MARCHF4: variants seen among roughly 807,000 people sequenced by gnomAD.
MARCHF4 encodes E3 ubiquitin-protein ligase MARCHF4.
Under a neutral mutation model 43.9 loss-of-function variants are expected in MARCHF4, and 14 were observed. The ratio of observed to expected loss-of-function variants is 0.32; its 90% CI spans 0.21 to 0.50. The LOEUF is 0.50. MARCHF4 is among the 20% of genes least tolerant of loss of function. MARCHF4 has a pLI of 0.98. For synonymous variants in MARCHF4, 226 were observed against 213.3 expected, an observed-to-expected ratio of 1.06 and a Z score of -0.52; for missense variants, 468 against 536.7, an observed-to-expected ratio of 0.87 and a Z score of 1.27.
chr2:216,283,740 A>T lies in MARCHF4; in HGVS notation c.517-11T>A. 1 of 1,596,092 alleles carries T rather than the reference A, an allele frequency of 6.3e-7. No individual in the cohort carries two copies. The highest frequency in any genetic ancestry group is 2.3e-5 in the East Asian group (1 of 44,438). Reference sequence around the variant, plus strand: ...GCTCAGCAGCTCCCCCTGCAGGGAGAGAGCACAGGGTGATGAGGCTGAGAC... The same window carrying T: ...GCTCAGCAGCTCCCCCTGCAGGGAGTGAGCACAGGGTGATGAGGCTGAGAC... On this transcript the variant is annotated splice_polypyrimidine_tract_variant and intron_variant, in intron 1 of 3. Coordinates refer to ENST00000273067, the MANE Select transcript of MARCHF4 (RefSeq NM_020814.3).
chr2:216,339,372 A>G (rs1692205671), intron 1 of MARCHF4, among the ~76,000 whole-genome samples: 1 of 152,214 alleles, frequency 6.6e-6, no homozygotes, highest in Admixed American at 6.5e-5. Flanking sequence ...GAAAAAGCCC[A>G]TAATCCCCTT....
At chr2:216,350,433 A>G (rs1692387563) in intron 1 of MARCHF4, among the ~76,000 whole-genome samples, 1 of 151,348 alleles carries the variant, frequency 6.6e-6, no homozygotes, top group Non-Finnish European at 1.5e-5. Context: ...TCACTATGCC[A>G]GAACTGCACA....
At chr2:216,368,443 G>A (rs1235750444) in intron 1 of MARCHF4, among the ~76,000 whole-genome samples, 1 of 152,198 alleles carries the variant, frequency 6.6e-6, no homozygotes, top group South Asian at 2.1e-4. Context: ...GCCTCTCAGA[G>A]ACATTTATTC....
At chr2:216,263,518 AGAG>A (rs1271540908) in intron 3 of MARCHF4, among the ~76,000 whole-genome samples, 58 of 146,266 alleles carry the variant, frequency 4.0e-4, no homozygotes, top group Middle Eastern at 3.5e-3. Flanking sequence ...AGAGAGAGAG[AGAG>A]AGAGAGAGAG....
rs1692783792 is a variant in MARCHF4, at chr2:216,372,366, A to C, written c.-2106T>G. On this transcript the variant is annotated 5_prime_UTR_variant, in exon 1 of 4. Coordinates refer to ENST00000273067, the MANE Select transcript of MARCHF4 (RefSeq NM_020814.3). The stretch of plus-strand genomic sequence containing the variant: ...GGGCGAGTGGACAGCTCCCACCCAG[A>C]CCCCGCGCGTCACGCTCGTGGGGGC... Among the ~76,000 whole-genome samples the C allele has an allele frequency of 6.6e-6, 1 of 151,916 alleles. No homozygotes were observed. Among genetic ancestry groups the C allele is most frequent in the Non-Finnish European group, 1.5e-5 (1 of 67,990 alleles).
At chr2:216,334,523 C>A (rs1299469862) in intron 1 of MARCHF4, among the ~76,000 whole-genome samples, 3 of 152,102 alleles carry the variant, frequency 2.0e-5, no homozygotes, top group Non-Finnish European at 2.9e-5. Context: ...GCCTTAGCCT[C>A]CCATGTAGCT....
At chr2:216,276,971 A>AT (rs547740065) in intron 3 of MARCHF4, among the ~76,000 whole-genome samples, 87 of 151,088 alleles carry the variant, frequency 5.8e-4, no homozygotes, top group Non-Finnish European at 9.6e-4. Flanking sequence ...GTAGGTTCCA[A>AT]TTTTTTTTTT....
At chr2:216,305,127 C>A (rs1411451907) in intron 1 of MARCHF4, among the ~76,000 whole-genome samples, 1 of 152,026 alleles carries the variant, frequency 6.6e-6, no homozygotes, top group Non-Finnish European at 1.5e-5. Flanking sequence ...CAAATGCTTG[C>A]TGGAGAAATG....
At chr2:216,369,672 G>A (rs1692721185) in intron 1 of MARCHF4, 73 bp downstream of exon 1, 3 of 1,243,122 alleles carry the variant, frequency 2.4e-6, no homozygotes, top group Non-Finnish European at 3.4e-6. Flanking sequence ...GTTCCCCAGG[G>A]CAAGCAGGCG....
intron 1 of MARCHF4, among the ~76,000 whole-genome samples, chr2:216,335,670 G>T (rs561441162): frequency 6.6e-6 from 1 of 152,132 alleles, no homozygotes; most frequent in Non-Finnish European, 1.5e-5. Flanking sequence ...CCAAAAAAGA[G>T]TACAGAAATC....
At chr2:216,289,916 G>A (rs1379603261) in intron 1 of MARCHF4, among the ~76,000 whole-genome samples, 1 of 152,132 alleles carries the variant, frequency 6.6e-6, no homozygotes, top group African/African-American at 2.4e-5. Flanking sequence ...GAAGACTTGG[G>A]TATATCCAAG....
At chr2:216,275,134 C>T (rs998309675) in intron 3 of MARCHF4, among the ~76,000 whole-genome samples, 1 of 152,198 alleles carries the variant, frequency 6.6e-6, no homozygotes, top group South Asian at 2.1e-4. Flanking sequence ...ATATTCAGCC[C>T]ACTCTGCTTC....
At chr2:216,260,387 G>A (rs1690721638) in intron 3 of MARCHF4, among the ~76,000 whole-genome samples, 1 of 152,236 alleles carries the variant, frequency 6.6e-6, no homozygotes, top group South Asian at 2.1e-4. Flanking sequence ...TTGCCTTAAG[G>A]AAGATAACTG....
chr2:216,259,710 C>T (rs1267403977), intron 3 of MARCHF4, 31 bp from the exon 4 acceptor site: 3 of 1,600,458 alleles, frequency 1.9e-6, no homozygotes, highest in Middle Eastern at 3.5e-4. Flanking sequence ...GAAACAGAGG[C>T]CAAATGAGAG....
In MARCHF4 at chr2:216,284,412, C is replaced by T. The variant is rs191933738; in HGVS notation, c.517-683G>A. 2.8e-4 allele frequency among the ~76,000 whole-genome samples: 42 copies of T among 152,288 alleles called. 1 individual carries two copies. Among genetic ancestry groups the T allele is most frequent in the Admixed American group, 2.5e-3 (38 of 15,304 alleles). ...TGGACGGCAGCATTGGGCTCACTCT[C>T]CAGAACTTCCCATGACCATATGTCA... On this transcript the variant is annotated intron_variant, in intron 1 of 3. Coordinates refer to ENST00000273067, the MANE Select transcript of MARCHF4 (RefSeq NM_020814.3).
At chr2:216,297,532 A>G (rs1691416249) in intron 1 of MARCHF4, among the ~76,000 whole-genome samples, 1 of 152,040 alleles carries the variant, frequency 6.6e-6, no homozygotes, top group Admixed American at 6.6e-5. Context: ...GTTTTTTGAG[A>G]TGGCATTTCC....
At chr2:216,301,746 T>C (rs556360051) in intron 1 of MARCHF4, among the ~76,000 whole-genome samples, 5 of 152,348 alleles carry the variant, frequency 3.3e-5, no homozygotes, top group East Asian at 1.9e-4. Context: ...TTAGCATAAA[T>C]GTACAATGAT....
rs1311993382 is a variant in MARCHF4, at chr2:216,320,655, CTTTCTTTCTTTCTTTCTTTCT to C, written c.517-36947_517-36927del. ...TCTTTCTTTCTTTCTTTCTTTCTTTCTTTCTTTCTTTCTTTCTTTCTTTTTTTTTTTTTGAGATGGAGTCCC... is the reference window on the plus strand; with the variant it reads ...TCTTTCTTTCTTTCTTTCTTTCTTTCTTTTTTTTTTTTGAGATGGAGTCCC... On this transcript the variant is annotated intron_variant, in intron 1 of 3. Coordinates refer to ENST00000273067, the MANE Select transcript of MARCHF4 (RefSeq NM_020814.3). Among the ~76,000 whole-genome samples the C allele has an allele frequency of 4.3e-4, 47 of 109,378 alleles. 1 individual carries two copies. The highest frequency in any genetic ancestry group is 1.9e-3 in the African/African-American group (46 of 24,776). The allele number at this position is 109,378 out of a possible 152,430, so 71.8% of individuals were successfully genotyped here.
chr2:216,344,322 A>G (rs1692280684), intron 1 of MARCHF4, among the ~76,000 whole-genome samples: 1 of 152,156 alleles, frequency 6.6e-6, no homozygotes, highest in Non-Finnish European at 1.5e-5. Context: ...GACTTTTCCT[A>G]TCCTATTCTA....
Sources: gnomAD v4.1 joint callset for allele counts (sites outside exome capture counted in the v4.1 genomes callset) on GRCh38, gnomAD v4.1.1 for gene constraint, MANE v1.5 for transcripts, NCBI Gene and HGNC (gene_info 2026-07-23, HGNC 2026-07-21) for gene names.